Variants in LCLAT1 observed in about 807,000 individuals in gnomAD.
The protein encoded by LCLAT1 is lysocardiolipin acyltransferase 1.
LCLAT1 carries 11 observed loss-of-function variants against 30.7 expected under a neutral mutation model. The ratio of observed to expected loss-of-function variants is 0.36; its 90% confidence interval spans 0.23 to 0.59. The LOEUF (loss-of-function observed/expected upper bound fraction) is 0.59, where lower values mean the gene tolerates loss of function less well. Ranked by LOEUF, LCLAT1 falls within the 20% of genes least tolerant of loss-of-function variation. The probability of loss-of-function intolerance (pLI) is 0.77; values close to 1 mark genes in which losing one functional copy is unlikely to be tolerated. For synonymous variants in LCLAT1, 155 were observed against 151.3 expected (o/e 1.02, Z -0.18); for missense variants, 402 against 458.6 (o/e 0.88, Z 1.13).
At chr2:30,619,712 G>A (rs1408166253) in intron 5 of LCLAT1, among the ~76,000 whole-genome samples, 2 of 152,168 alleles carry the variant, frequency 1.3e-5, no homozygotes, top group African/African-American at 4.8e-5. Context: ...TTCATTTTGA[G>A]TGGTAAACTT....
At chr2:30,629,408 A>C (rs1222518569) in intron 5 of LCLAT1, among the ~76,000 whole-genome samples, 2 of 152,098 alleles carry the variant, frequency 1.3e-5, no homozygotes, top group Admixed American at 6.5e-5. Context: ...AAAAATACAA[A>C]AATTAGCCGG....
intron 5 of LCLAT1, among the ~76,000 whole-genome samples, chr2:30,602,982 C>T (rs151055024): frequency 1.3e-5 from 2 of 152,264 alleles, no homozygotes; most frequent in East Asian, 3.9e-4. Flanking sequence ...GAGTTAGAAT[C>T]ATAATTCCAT....
chr2:30,609,500 C>G lies in LCLAT1; in HGVS notation c.629-30617C>G, dbSNP rs547087729. Among the ~76,000 whole-genome samples, 12 of 152,098 alleles carry G rather than the reference C, an allele frequency of 7.9e-5. No homozygotes were observed. The East Asian group carries it at 2.3e-3, about 29-fold the overall frequency. On this transcript the variant is annotated intron_variant, in intron 5 of 5. Coordinates refer to ENST00000379509, the MANE Select transcript of LCLAT1 (RefSeq NM_001002257.3). The stretch of plus-strand genomic sequence containing the variant: ...ATGTTACCTTTATCATATATTAAGT[C>G]CCCATATATTCATGAGAATGGCTTT...
chr2:30,522,309 A>G (rs533081892), intron 1 of LCLAT1, among the ~76,000 whole-genome samples: 2 of 152,340 alleles, frequency 1.3e-5, no homozygotes, highest in South Asian at 2.1e-4. Flanking sequence ...CCCACCAGCA[A>G]TGTTTGCAAG....
Position 30,568,883 on chromosome 2 carries a change from A to G in LCLAT1, c.628+707A>G, listed in dbSNP as rs867349195. 7.9e-3 allele frequency among the ~76,000 whole-genome samples: 1,185 copies of G among 150,738 alleles called. 13 individuals carry two copies. Among genetic ancestry groups the G allele is most frequent in the African/African-American group, 0.025 (1,026 of 40,912 alleles). ...GAATAGCAAAAAAAAAAAAAAAAAA[A>G]AGAGAAAAAAAATCTTATCACTTAA... On this transcript the variant is annotated intron_variant, in intron 5 of 5. Transcript: ENST00000379509.
At chr2:30,623,099 G>A (rs1319100160) in intron 5 of LCLAT1, among the ~76,000 whole-genome samples, 1 of 137,054 alleles carries the variant, frequency 7.3e-6, no homozygotes, top group African/African-American at 2.8e-5. Flanking sequence ...TGTCGCCAGG[G>A]CTAGAGTGCA....
chr2:30,498,685 T>A (rs1684229405), intron 1 of LCLAT1, among the ~76,000 whole-genome samples: 1 of 152,222 alleles, frequency 6.6e-6, no homozygotes, highest in Admixed American at 6.5e-5. Context: ...GTTTCTGAGC[T>A]CACTTTCTGC....
At chr2:30,460,669 C>T (rs956965837) in intron 1 of LCLAT1, among the ~76,000 whole-genome samples, 1 of 152,032 alleles carries the variant, frequency 6.6e-6, no homozygotes, top group Admixed American at 6.6e-5. Context: ...CTCTTTTGAC[C>T]ACACCTGAGT....
At chr2:30,534,738 C>T (rs1019792758) in intron 3 of LCLAT1, among the ~76,000 whole-genome samples, 2 of 152,090 alleles carry the variant, frequency 1.3e-5, no homozygotes, top group Non-Finnish European at 2.9e-5. Context: ...ATGACCTAGC[C>T]TTAGAATTCA....
At chr2:30,638,644 A>G (rs954069503) in intron 5 of LCLAT1, among the ~76,000 whole-genome samples, 5 of 152,166 alleles carry the variant, frequency 3.3e-5, no homozygotes, top group African/African-American at 1.2e-4. Context: ...CTTATAAAGA[A>G]TTGGATTAAG....
At chr2:30,507,834 G>C (rs1684744337) in intron 1 of LCLAT1, among the ~76,000 whole-genome samples, 1 of 152,076 alleles carries the variant, frequency 6.6e-6, no homozygotes, top group Non-Finnish European at 1.5e-5. Context: ...CCAGTAAGGG[G>C]TCTGTGGGTT....
At chr2:30,465,742 A>G (rs1005556016) in intron 1 of LCLAT1, among the ~76,000 whole-genome samples, 6 of 152,202 alleles carry the variant, frequency 3.9e-5, no homozygotes, top group African/African-American at 1.4e-4. Context: ...GACTTTTTTT[A>G]AGCCTGGAAA....
chr2:30,525,893 A>C (rs1484576313), intron 2 of LCLAT1, 138 bp downstream of exon 2: 1 of 674,802 alleles, frequency 1.5e-6, no homozygotes, highest in South Asian at 2.0e-5. Context: ...TGCTTTAAAT[A>C]ATCTCTAGAT....
intron 1 of LCLAT1, among the ~76,000 whole-genome samples, chr2:30,447,956 C>T (rs1156675809): frequency 1.3e-5 from 2 of 151,948 alleles, no homozygotes; most frequent in Non-Finnish European, 2.9e-5. Context: ...AAAGGTAGGC[C>T]CTAGCCAGGG....
chr2:30,549,182 G>C (rs957079523), intron 3 of LCLAT1, among the ~76,000 whole-genome samples: 1 of 152,142 alleles, frequency 6.6e-6, no homozygotes, highest in Non-Finnish European at 1.5e-5. Context: ...CAGTTTCTTT[G>C]GCCAGGAGAA....
chr2:30,598,964 G>C (rs899015745), intron 5 of LCLAT1, among the ~76,000 whole-genome samples: 1 of 150,660 alleles, frequency 6.6e-6, no homozygotes, highest in African/African-American at 2.4e-5. Context: ...GATTTTGAGT[G>C]AGTTTCTTTT....
chr2:30,605,995 A>C (rs1389177390), intron 5 of LCLAT1: 2 of 1,287,998 alleles, frequency 1.6e-6, no homozygotes, highest in Admixed American at 4.8e-5. Flanking sequence ...AATGCTCCCC[A>C]CTCCCCACTC....
intron 5 of LCLAT1, among the ~76,000 whole-genome samples, chr2:30,577,148 C>T (rs975293814): frequency 8.2e-5 from 10 of 121,498 alleles, no homozygotes; most frequent in African/African-American, 2.8e-4. Context: ...GTCACATAGG[C>T]TCCCTATACA....
At chr2:30,635,679 G>C (rs187215933) in intron 5 of LCLAT1, among the ~76,000 whole-genome samples, 11 of 151,934 alleles carry the variant, frequency 7.2e-5, no homozygotes, top group African/African-American at 2.7e-4. Context: ...TAGAACCCAA[G>C]TTGGAAAGAA....
Sources: allele counts gnomAD v4.1 joint callset (sites outside exome capture counted in the v4.1 genomes callset), GRCh38; gene constraint gnomAD v4.1.1; transcripts MANE v1.5; gene names NCBI Gene and HGNC (gene_info 2026-07-23, HGNC 2026-07-21).